The following CDH12 variants were observed in gnomAD, a reference collection of about 807,000 sequenced individuals.
The protein encoded by CDH12 is cadherin-12.
A neutral mutation model predicts 74.1 loss-of-function variants in CDH12; 41 were observed. That is an observed-to-expected ratio of 0.55 (90% CI 0.43 to 0.72). CDH12 has a LOEUF of 0.72. Ranked by LOEUF, CDH12 falls within the 30% of genes least tolerant of loss-of-function variation. The pLI is 0.00. For missense variants in CDH12, 945 were observed against 977.2 expected (o/e 0.97, Z 0.44); for synonymous variants, 399 against 355.0 (o/e 1.12, Z -1.39).
At chr5:22,620,200 C>G (rs1737903085) in intron 1 of CDH12, among the ~76,000 whole-genome samples, 1 of 151,964 alleles carries the variant, frequency 6.6e-6, no homozygotes, top group African/African-American at 2.4e-5. Context: ...GTATGGAAAA[C>G]TGGATACCCC....
At chr5:22,192,907 C>G (rs917736133) in intron 4 of CDH12, among the ~76,000 whole-genome samples, 1 of 152,148 alleles carries the variant, frequency 6.6e-6, no homozygotes, top group Non-Finnish European at 1.5e-5. Context: ...GCTATACTTG[C>G]CTGCATAGGC....
At chr5:22,494,785 T>C (rs1747034091) in intron 2 of CDH12, among the ~76,000 whole-genome samples, 2 of 152,124 alleles carry the variant, frequency 1.3e-5, no homozygotes, top group South Asian at 4.1e-4. Context: ...AGACACAAGG[T>C]TAGTGCAAGT....
chr5:21,812,272 A>G (rs921924160), intron 9 of CDH12, among the ~76,000 whole-genome samples: 1 of 152,114 alleles, frequency 6.6e-6, no homozygotes, highest in African/African-American at 2.4e-5. Flanking sequence ...CAAATGTAGA[A>G]TATATATTTG....
intron 11 of CDH12, among the ~76,000 whole-genome samples, chr5:21,777,793 C>A (rs1230725726): frequency 6.6e-6 from 1 of 152,056 alleles, no homozygotes; most frequent in Non-Finnish European, 1.5e-5. Context: ...GCCCAGCCTA[C>A]CACTAACATT....
chr5:22,382,901 G>A (rs1455031397), intron 3 of CDH12, among the ~76,000 whole-genome samples: 1 of 152,056 alleles, frequency 6.6e-6, no homozygotes, highest in Non-Finnish European at 1.5e-5. Context: ...CGCAATCTCA[G>A]CTCACTGCAA....
At chr5:22,010,169 G>A (rs1307204524) in intron 5 of CDH12, among the ~76,000 whole-genome samples, 1 of 151,948 alleles carries the variant, frequency 6.6e-6, no homozygotes, top group Non-Finnish European at 1.5e-5. Flanking sequence ...CATCATATTC[G>A]AAGCTGTGTT....
intron 10 of CDH12, among the ~76,000 whole-genome samples, chr5:21,785,361 TGAAA>T (rs1746143993): frequency 6.6e-6 from 1 of 152,142 alleles, no homozygotes; most frequent in South Asian, 2.1e-4. Context: ...ACTGTTCAAA[TGAAA>T]GAGTCACACA....
chr5:22,239,918 C>G (rs1179602803), intron 3 of CDH12, among the ~76,000 whole-genome samples: 1 of 152,096 alleles, frequency 6.6e-6, no homozygotes, highest in Non-Finnish European at 1.5e-5. Flanking sequence ...ATGAAGGTAG[C>G]TCCCTCTACA....
chr5:22,835,460 T>C (rs1442080149), intron 1 of CDH12, among the ~76,000 whole-genome samples: 1 of 152,178 alleles, frequency 6.6e-6, no homozygotes, highest in Non-Finnish European at 1.5e-5. Flanking sequence ...AGTCTTCCAC[T>C]TTTAGGAGTA....
At chr5:22,461,422 T>C (rs949826477) in intron 2 of CDH12, among the ~76,000 whole-genome samples, 1 of 151,210 alleles carries the variant, frequency 6.6e-6, no homozygotes, top group East Asian at 1.9e-4. Flanking sequence ...AAAATGAACA[T>C]GTATTCAAGT....
chr5:22,100,317 T>C (rs1268266869), intron 4 of CDH12, among the ~76,000 whole-genome samples: 2 of 152,182 alleles, frequency 1.3e-5, no homozygotes, highest in Non-Finnish European at 2.9e-5. Context: ...GAGAGATATA[T>C]TGAGGACTGT....
chr5:22,652,389 G>A (rs1412734692), intron 1 of CDH12, among the ~76,000 whole-genome samples: 3 of 152,212 alleles, frequency 2.0e-5, no homozygotes, highest in Non-Finnish European at 4.4e-5. Flanking sequence ...GACTTAGCAT[G>A]TCACCAGAAG....
chr5:22,269,271 T>G (rs1397240723), intron 3 of CDH12, among the ~76,000 whole-genome samples: 1 of 152,180 alleles, frequency 6.6e-6, no homozygotes, highest in Non-Finnish European at 1.5e-5. Context: ...ACCATTCTTT[T>G]GTGTAATTCA....
intron 6 of CDH12, among the ~76,000 whole-genome samples, chr5:21,940,213 C>T (rs572077218): frequency 2.2e-4 from 33 of 151,828 alleles, no homozygotes; most frequent in African/African-American, 6.0e-4. Flanking sequence ...GGTGACAAAG[C>T]GAGACTCCAT....
At chr5:21,956,789 C>T (rs546893107) in intron 6 of CDH12, among the ~76,000 whole-genome samples, 1 of 152,210 alleles carries the variant, frequency 6.6e-6, no homozygotes, top group South Asian at 2.1e-4. Context: ...TCTTATTAAG[C>T]ATTATTATTA....
intron 5 of CDH12, among the ~76,000 whole-genome samples, chr5:22,009,617 G>T (rs1299727876): frequency 2.6e-5 from 4 of 152,082 alleles, no homozygotes; most frequent in Non-Finnish European, 4.4e-5. Flanking sequence ...CAACTCAACT[G>T]TGCAGTAAAA....
At chr5:22,120,572 T>G (rs1054636662) in intron 4 of CDH12, among the ~76,000 whole-genome samples, 1 of 152,174 alleles carries the variant, frequency 6.6e-6, no homozygotes, top group Non-Finnish European at 1.5e-5. Flanking sequence ...GAATAATATA[T>G]TTAACTTGTT....
chr5:21,844,926 A>G (rs1343104371), intron 7 of CDH12, among the ~76,000 whole-genome samples: 2 of 152,270 alleles, frequency 1.3e-5, no homozygotes, highest in East Asian at 3.9e-4. Flanking sequence ...CAATAATTCC[A>G]AACTCTTTTC....
At position 21,926,807 on chromosome 5, in the gene CDH12, AAC is replaced by A. The variant is rs572182776; in HGVS notation, c.526+48282_526+48283del. On this transcript the variant is annotated intron_variant, in intron 6 of 14. Coordinates refer to ENST00000382254, the MANE Select transcript of CDH12 (RefSeq NM_004061.5). ...GTGAAGGCCGAGTGCATGCAGGTAG[AAC>A]TGTGTACAACAATAGAGGTGATGGT... 4.6e-5 allele frequency among the ~76,000 whole-genome samples: 7 copies of A among 152,280 alleles called. No homozygotes were observed. In the East Asian group the frequency reaches 1.4e-3, roughly 29 times the overall value.
Sources: gnomAD v4.1 joint callset for allele counts (sites outside exome capture counted in the v4.1 genomes callset) on GRCh38, gnomAD v4.1.1 for gene constraint, MANE v1.5 for transcripts, NCBI Gene and HGNC (gene_info 2026-07-23, HGNC 2026-07-21) for gene names.